RFX6: variants seen among roughly 807,000 people sequenced by gnomAD.
RFX6 encodes the protein regulatory factor X6.
In RFX6, 50 loss-of-function variants were observed where a neutral mutation model predicts 110.8. The observed-to-expected ratio is 0.45, with a 90% CI of 0.36 to 0.57. The LOEUF is 0.57. Ranked by LOEUF, RFX6 falls within the 20% of genes least tolerant of loss-of-function variation. The pLI, the probability that RFX6 is intolerant of heterozygous loss-of-function variation, is 0.00. For missense variants in RFX6, 990 were observed against 1,127.0 expected (o/e 0.88, Z 1.74); for synonymous variants, 383 against 411.2 (o/e 0.93, Z 0.83).
chr6:116,921,701 G>A (rs986719267), intron 12 of RFX6, among the ~76,000 whole-genome samples: 5 of 150,636 alleles, frequency 3.3e-5, no homozygotes, highest in African/African-American at 4.9e-5. Context: ...TGCGTGCCTG[G>A]AGTCCCAACT....
intron 7 of RFX6, 57 bp from the exon 8 acceptor site, chr6:116,915,951 C>A: frequency 8.7e-7 from 1 of 1,152,318 alleles, no homozygotes; most frequent in Non-Finnish European, 1.3e-6. Context: ...AACAAATTAA[C>A]AAGAAAAGGC....
At position 116,928,956 on chromosome 6, in the gene RFX6, C is replaced by T. The variant is rs749827445; in HGVS notation, c.2596C>T (p.Arg866Ter). The change falls in exon 18 of 19, where the codon CGA becomes TGA. Residue 866 changes from arginine (R) to a stop codon, truncating the protein, a stop_gained. Coordinates refer to ENST00000332958, the MANE Select transcript of RFX6 (RefSeq NM_173560.4). LOFTEE classifies it high-confidence loss of function. ...AGACACATCATCTCCAGTTGCATGT[C>T]GAACTCCAGTCCTAGGTAAATTATT... Reference protein sequence around the residue: ...YTDTSSPVACRTPVLASSLQT... With the variant: ...YTDTSSPVAC 4.4e-6 allele frequency: 7 copies of T among 1,604,728 alleles called. No homozygotes were observed. Among genetic ancestry groups the T allele is most frequent in the East Asian group, 2.2e-5 (1 of 44,836 alleles).
chr6:116,924,712 C>G lies in RFX6; in HGVS notation c.1599C>G (p.Leu533=). 1 of 1,606,498 alleles carries G rather than the reference C, an allele frequency of 6.2e-7. No homozygotes were observed. The highest frequency in any genetic ancestry group is 8.5e-7 in the Non-Finnish European group (1 of 1,173,128). ...GAATGCTTCTCGATGAATACATTCT[C>G]CTGGCCATGGAGACCCAGTTTAATA... ...LIRMLLDEYI[L]LAMETQFNND... The change falls in exon 15 of 19, where the codon CTC becomes CTG. Residue 533 remains leucine (L), a synonymous_variant. Transcript: ENST00000332958.
chr6:116,909,371 T>C (rs529534580), intron 6 of RFX6, among the ~76,000 whole-genome samples: 1 of 152,190 alleles, frequency 6.6e-6, no homozygotes, highest in South Asian at 2.1e-4. Flanking sequence ...CAAATGTTAG[T>C]TTTCTGTTTT....
intron 7 of RFX6, among the ~76,000 whole-genome samples, chr6:116,914,708 G>A (rs550309320): frequency 6.6e-6 from 1 of 152,188 alleles, no homozygotes; most frequent in South Asian, 2.1e-4. Flanking sequence ...TTGGGTTGTG[G>A]GAATAAAGGG....
At chr6:116,904,984 G>A (rs1485796099) in intron 6 of RFX6, among the ~76,000 whole-genome samples, 1 of 152,178 alleles carries the variant, frequency 6.6e-6, no homozygotes, top group Non-Finnish European at 1.5e-5. Context: ...TATGAATGTG[G>A]ATGTACAAAT....
At chr6:116,920,696 G>A (rs530479274) in intron 12 of RFX6, among the ~76,000 whole-genome samples, 31 of 151,550 alleles carry the variant, frequency 2.0e-4, no homozygotes, top group Non-Finnish European at 2.9e-4. Context: ...AAAAAACCTG[G>A]TTTATAAAAA....
intron 12 of RFX6, 24 bp from the exon 13 acceptor site, chr6:116,922,018 C>CTTTTTTTTTTTT: frequency 1.1e-6 from 1 of 883,484 alleles, no homozygotes. Context: ...TCTTTTCTTT[C>CTTTTTTTTTTTT]TTTTTTTTTT....
At chr6:116,885,985 A>G (rs1774691213) in intron 4 of RFX6, among the ~76,000 whole-genome samples, 1 of 152,184 alleles carries the variant, frequency 6.6e-6, no homozygotes, top group East Asian at 1.9e-4. Context: ...AAATATTTTT[A>G]TGTTTCTATG....
intron 4 of RFX6, among the ~76,000 whole-genome samples, chr6:116,886,782 A>T (rs1439150589): frequency 1.3e-5 from 2 of 152,082 alleles, no homozygotes; most frequent in African/African-American, 2.4e-5. Flanking sequence ...AAAAAAAAAT[A>T]GGCTGGATGT....
intron 4 of RFX6, 29 bp from the exon 5 acceptor site, chr6:116,893,958 C>G: frequency 7.3e-7 from 1 of 1,368,696 alleles, no homozygotes; most frequent in Non-Finnish European, 1.0e-6. Flanking sequence ...CCTTCACTAA[C>G]ACAGAGCTGG....
rs1223577337 is a variant in RFX6 at position 116,877,250 on chromosome 6, C to T, written c.-26C>T. The T allele has an allele frequency of 1.9e-6, 3 of 1,568,310 alleles. No individual in the cohort carries two copies. Among genetic ancestry groups the T allele is most frequent in the Non-Finnish European group, 1.7e-6 (2 of 1,151,216 alleles). ...GCTGGGGAACCGGCCGAGCGGCGCGCGCGGAGGTGTCCGGCGGCCAGGAGG... is the reference window on the plus strand; with the variant it reads ...GCTGGGGAACCGGCCGAGCGGCGCGTGCGGAGGTGTCCGGCGGCCAGGAGG... On this transcript the variant is annotated 5_prime_UTR_variant, in exon 1 of 19. Transcript: ENST00000332958.
intron 2 of RFX6, among the ~76,000 whole-genome samples, chr6:116,879,791 T>C (rs1032296959): frequency 2.0e-5 from 3 of 152,024 alleles, no homozygotes; most frequent in Non-Finnish European, 2.9e-5. Context: ...AACACAAATA[T>C]GTATTTATTA....
At chr6:116,923,952 T>G (rs1250405766) in intron 14 of RFX6, among the ~76,000 whole-genome samples, 1 of 152,202 alleles carries the variant, frequency 6.6e-6, no homozygotes, top group African/African-American at 2.4e-5. Flanking sequence ...ACTAAATTGT[T>G]TTTATTTAAT....
intron 17 of RFX6, 134 bp from the exon 18 acceptor site, chr6:116,928,625 G>C (rs1775806447): frequency 5.6e-6 from 4 of 709,398 alleles, no homozygotes; most frequent in Admixed American, 4.0e-5. Flanking sequence ...CAGTTCTGTA[G>C]CATGTATAGA....
chr6:116,912,343 G>GAA (rs149151286), intron 7 of RFX6, among the ~76,000 whole-genome samples: 1 of 147,630 alleles, frequency 6.8e-6, no homozygotes, highest in African/African-American at 2.5e-5. Context: ...ATACAAGTTG[G>GAA]AAAAAAAAAA....
In RFX6 at chr6:116,928,763, C is replaced by T. The variant is rs1160288109; in HGVS notation, c.2403C>T (p.Tyr801=). The T allele has an allele frequency of 2.5e-6, 4 of 1,609,242 alleles. No individual in the cohort carries two copies. The highest frequency in any genetic ancestry group is 4.5e-5 in the East Asian group (2 of 44,866). Residue 801 remains tyrosine, a synonymous_variant, in exon 18 of 19, where the codon TAC becomes TAT. Coordinates refer to ENST00000332958, the MANE Select transcript of RFX6 (RefSeq NM_173560.4). The part of the protein sequence containing the change: ...ATLPPNSPNG[Y]YGSNINYPES... ...TCTCAACATTTTCTGTTACAGGATA[C>T]TATGGAAGCAACATAAACTACCCAG...
rs1193937528 is a variant in RFX6, at chr6:116,919,165, A to G, written c.1051A>G (p.Lys351Glu). The change falls in exon 11 of 19, where the codon AAA (lysine) becomes GAA (glutamate). Residue 351 changes from lysine (K) to glutamate (E), a missense_variant. Lys to Glu is a moderately conservative substitution (Grantham distance 56). Around this residue, in one of 5 missense-constraint regions of RFX6, gnomAD observed 243 missense variants for 353.1 expected, o/e 0.69. Coordinates refer to ENST00000332958, the MANE Select transcript of RFX6 (RefSeq NM_173560.4). ...ATTAGCAGACATAAGAAATTTTGCT[A>G]AAAATTGGGAACAGTGGGTTGTTTC... is the stretch of plus-strand genomic sequence containing the variant. ...SLLADIRNFA[K>E]NWEQWVVSSL... 1 of 1,613,544 alleles carries G rather than the reference A, an allele frequency of 6.2e-7. No individual in the cohort carries two copies. The highest frequency in any genetic ancestry group is 8.5e-7 in the Non-Finnish European group (1 of 1,179,576).
At chr6:116,914,031 T>C (rs1035509492) in intron 7 of RFX6, among the ~76,000 whole-genome samples, 6 of 152,224 alleles carry the variant, frequency 3.9e-5, no homozygotes, top group Admixed American at 3.9e-4. Flanking sequence ...TCTTATTTCT[T>C]CTATCAAATT....
Sources: gnomAD v4.1 joint callset for allele counts (sites outside exome capture counted in the v4.1 genomes callset) on GRCh38, gnomAD v4.1.1 for gene constraint, gnomAD v4.1.1 regional missense constraint, MANE v1.5 for transcripts, NCBI Gene and HGNC (gene_info 2026-07-23, HGNC 2026-07-21) for gene names.